ARHGAP24: variants seen among roughly 807,000 people sequenced by gnomAD.
The protein encoded by ARHGAP24 is rho GTPase-activating protein 24.
ARHGAP24 carries 50 observed loss-of-function variants against 76.4 expected under a neutral mutation model. That is an observed-to-expected ratio of 0.65 (90% confidence interval 0.52 to 0.83). The LOEUF (loss-of-function observed/expected upper bound fraction) is 0.83, where lower values mean the gene tolerates loss of function less well. Among genes scored for constraint, ARHGAP24 ranks in the 40% least tolerant of loss-of-function variants. ARHGAP24 has a pLI of 0.00. For synonymous variants in ARHGAP24, 345 were observed against 323.3 expected, an observed-to-expected ratio of 1.07 and a Z score of -0.72; for missense variants, 930 against 914.2, an observed-to-expected ratio of 1.02 and a Z score of -0.22.
intron 3 of ARHGAP24, among the ~76,000 whole-genome samples, chr4:85,844,974 AG>A (rs1314661313): frequency 1.3e-5 from 2 of 152,252 alleles, no homozygotes; most frequent in African/African-American, 4.8e-5. Flanking sequence ...CCAGTTTAAC[AG>A]AGAGATATCA....
intron 1 of ARHGAP24, among the ~76,000 whole-genome samples, chr4:85,543,843 T>C (rs768684201): frequency 6.6e-6 from 1 of 152,198 alleles, no homozygotes; most frequent in African/African-American, 2.4e-5. Context: ...TAGTAGTTAG[T>C]AGTAGTTTTA....
At chr4:85,912,163 C>T (rs1735124348) in intron 3 of ARHGAP24, among the ~76,000 whole-genome samples, 1 of 152,118 alleles carries the variant, frequency 6.6e-6, no homozygotes, top group Non-Finnish European at 1.5e-5. Flanking sequence ...GAAAATATCC[C>T]CAAGTATCCT....
intron 3 of ARHGAP24, among the ~76,000 whole-genome samples, chr4:85,895,000 GCAAAAAAAAAAAAAA>G (rs1734086126): frequency 2.1e-5 from 1 of 47,992 alleles, no homozygotes; most frequent in South Asian, 4.6e-4. Context: ...AAAACAAAAA[GCAAAAAAAAAAAAAA>G]AAAAAAGAAA....
intron 3 of ARHGAP24, among the ~76,000 whole-genome samples, chr4:85,773,744 A>T (rs13108382): frequency 6.6e-6 from 1 of 152,118 alleles, no homozygotes; most frequent in African/African-American, 2.4e-5. Flanking sequence ...GAAGAAGAAA[A>T]GAATTTTTAC....
intron 2 of ARHGAP24, among the ~76,000 whole-genome samples, chr4:85,709,060 G>C (rs925648022): frequency 6.6e-6 from 1 of 152,082 alleles, no homozygotes; most frequent in Non-Finnish European, 1.5e-5. Flanking sequence ...TATATTCCCA[G>C]TACCCTTTAA....
intron 3 of ARHGAP24, among the ~76,000 whole-genome samples, chr4:85,891,284 A>G (rs913099881): frequency 1.3e-5 from 2 of 151,100 alleles, no homozygotes; most frequent in Admixed American, 1.3e-4. Context: ...TTTTCTAGAT[A>G]AACAATCATG....
Position 85,722,412 on chromosome 4 carries a change from C to CA in ARHGAP24, c.268+449dup, listed in dbSNP as rs374574500. The CA allele has an allele frequency of 6.5e-3, 1,279 of 195,342 alleles. 18 individuals carry two copies. Among genetic ancestry groups the CA allele is most frequent in the African/African-American group, 0.024 (977 of 40,396 alleles). 12.1% of individuals were successfully genotyped at this position (195,342 alleles called of 1,614,324 possible). A position where few individuals can be genotyped will look rare whatever the true frequency, so the allele number is the denominator to read the frequency against. The stretch of plus-strand genomic sequence containing the variant: ...AAAAAAAAAACAAAAAACAAACAAA[C>CA]AAAAAAAAACAACTCTTACTACTTA... On this transcript the variant is annotated intron_variant, in intron 3 of 9. Coordinates refer to ENST00000395184, the MANE Select transcript of ARHGAP24 (RefSeq NM_001025616.3).
intron 3 of ARHGAP24, among the ~76,000 whole-genome samples, chr4:85,909,297 G>GTT (rs373250035): frequency 0.11 from 16,038 of 150,778 alleles, 869 homozygotes; most frequent in South Asian, 0.12. Flanking sequence ...GTTTTCTTTT[G>GTT]TTTTGTTTTT....
chr4:85,620,602 T>A (rs1720685902), intron 2 of ARHGAP24, among the ~76,000 whole-genome samples: 2 of 151,828 alleles, frequency 1.3e-5, no homozygotes, highest in Admixed American at 6.6e-5. Flanking sequence ...AAAACAACTC[T>A]TAGTTTCATT....
chr4:85,876,193 A>G (rs1560689792), intron 3 of ARHGAP24, among the ~76,000 whole-genome samples: 1 of 152,216 alleles, frequency 6.6e-6, no homozygotes, highest in East Asian at 1.9e-4. Context: ...ATGTCTATCA[A>G]CAAAACCAGC....
intron 3 of ARHGAP24, among the ~76,000 whole-genome samples, chr4:85,904,040 C>G (rs188046114): frequency 3.3e-5 from 5 of 152,270 alleles, no homozygotes; most frequent in Admixed American, 2.0e-4. Context: ...TTCTGGACAA[C>G]TTTTGATCAT....
At chr4:85,851,705 T>C (rs1182671650) in intron 3 of ARHGAP24, among the ~76,000 whole-genome samples, 1 of 152,244 alleles carries the variant, frequency 6.6e-6, no homozygotes, top group African/African-American at 2.4e-5. Context: ...CCTTCACTTA[T>C]GAAGCTTAGT....
intron 2 of ARHGAP24, among the ~76,000 whole-genome samples, chr4:85,581,145 A>G (rs566373539): frequency 2.0e-5 from 3 of 152,240 alleles, no homozygotes; most frequent in South Asian, 2.1e-4. Context: ...CTTATGAGCT[A>G]GGTACCTTGC....
At chr4:85,963,911 T>C (rs1738416465) in intron 5 of ARHGAP24, among the ~76,000 whole-genome samples, 1 of 152,110 alleles carries the variant, frequency 6.6e-6, no homozygotes, top group Non-Finnish European at 1.5e-5. Context: ...TCAACTTTTT[T>C]TTATTATACT....
At chr4:85,815,027 A>G (rs577939160) in intron 3 of ARHGAP24, among the ~76,000 whole-genome samples, 39 of 152,180 alleles carry the variant, frequency 2.6e-4, no homozygotes, top group Non-Finnish European at 5.0e-4. Flanking sequence ...GGGTTTCACC[A>G]TCTGAAGCCA....
intron 4 of ARHGAP24, chr4:85,930,526 T>C (rs1413221694): frequency 3.0e-6 from 3 of 1,010,576 alleles, no homozygotes; most frequent in Non-Finnish European, 3.5e-6. Flanking sequence ...TTTGCTGACC[T>C]TTCCAGAGGA....
intron 3 of ARHGAP24, among the ~76,000 whole-genome samples, chr4:85,900,316 G>C (rs558518225): frequency 3.9e-5 from 6 of 152,304 alleles, no homozygotes; most frequent in Admixed American, 2.0e-4. Context: ...TCAGCTGACA[G>C]CTTGTGAAGG....
intron 5 of ARHGAP24, among the ~76,000 whole-genome samples, chr4:85,956,663 C>G (rs1467886965): frequency 6.6e-6 from 1 of 152,206 alleles, no homozygotes; most frequent in Non-Finnish European, 1.5e-5. Flanking sequence ...GTGTTCAGCT[C>G]CATTAGGAGG....
intron 2 of ARHGAP24, among the ~76,000 whole-genome samples, chr4:85,683,437 GA>G (rs1723306440): frequency 6.6e-6 from 1 of 152,042 alleles, no homozygotes; most frequent in African/African-American, 2.4e-5. Context: ...CATAAACTTT[GA>G]ATTGTTTGAT....
Sources: gnomAD v4.1 joint callset for allele counts (sites outside exome capture counted in the v4.1 genomes callset) on GRCh38, gnomAD v4.1.1 for gene constraint, MANE v1.5 for transcripts, NCBI Gene and HGNC (gene_info 2026-07-23, HGNC 2026-07-21) for gene names.